Variants in UEVLD observed in about 807,000 individuals in gnomAD.
UEVLD encodes the protein ubiquitin-conjugating enzyme E2 variant 3.
In UEVLD, 47 loss-of-function variants were observed where a neutral mutation model predicts 58.6. That is an observed-to-expected ratio of 0.80 (90% confidence interval 0.63 to 1.02). The LOEUF is 1.02. Ranked by LOEUF, UEVLD falls within the 50% of genes least tolerant of loss-of-function variation. UEVLD has a pLI of 0.00. For missense variants in UEVLD, 510 were observed against 550.6 expected (o/e 0.93, Z 0.74); for synonymous variants, 197 against 195.3 (o/e 1.01, Z -0.07).
chr11:18,555,553 C>T (rs1851722224), intron 7 of UEVLD, among the ~76,000 whole-genome samples: 1 of 151,840 alleles, frequency 6.6e-6, no homozygotes, highest in African/African-American at 2.4e-5. Context: ...CTGCCACTGC[C>T]CTCCATCCTG....
intron 1 of UEVLD, among the ~76,000 whole-genome samples, chr11:18,583,369 C>T (rs1457042862): frequency 6.6e-6 from 1 of 151,804 alleles, no homozygotes; most frequent in Non-Finnish European, 1.5e-5. Context: ...TACAGGCACC[C>T]GCCACCATGT....
intron 1 of UEVLD, among the ~76,000 whole-genome samples, chr11:18,583,657 CTTTTTT>C (rs35384688): frequency 2.6e-5 from 3 of 117,286 alleles, no homozygotes; most frequent in Non-Finnish European, 5.1e-5. Context: ...TCCAGTATTA[CTTTTTT>C]TTTTTTTTTT....
intron 7 of UEVLD, among the ~76,000 whole-genome samples, chr11:18,551,797 C>T (rs142165305): frequency 0.01 from 1,540 of 152,274 alleles, 58 homozygotes; most frequent in Admixed American, 0.059. Flanking sequence ...GGTCTACAAC[C>T]TAAACCAAAG....
At chr11:18,533,520 T>G (rs1850662557) in intron 11 of UEVLD, among the ~76,000 whole-genome samples, 2 of 148,082 alleles carry the variant, frequency 1.4e-5, no homozygotes, top group African/African-American at 5.0e-5. Flanking sequence ...TATTTGGGGG[T>G]TACATGAGTA....
At chr11:18,552,659 C>T (rs1462200299) in intron 7 of UEVLD, among the ~76,000 whole-genome samples, 3 of 150,320 alleles carry the variant, frequency 2.0e-5, no homozygotes, top group African/African-American at 2.5e-5. Flanking sequence ...GTTGGGAGTT[C>T]AAGACCAGCC....
At chr11:18,542,645 C>G (rs561876859) in intron 9 of UEVLD, among the ~76,000 whole-genome samples, 1 of 152,072 alleles carries the variant, frequency 6.6e-6, no homozygotes, top group Admixed American at 6.5e-5. Context: ...TTTTACTACA[C>G]AGAAAACTAT....
Position 18,530,227 on chromosome 11 carries a change from A to G in UEVLD, c.*2093T>C, listed in dbSNP as rs949276357. ...TTCCTATTTCATAAAAAAGGACAGT[A>G]AGAATACATTGTTAGAGTAACATGA... On this transcript the variant is annotated 3_prime_UTR_variant, in exon 12 of 12. Transcript: ENST00000396197. 1.3e-5 allele frequency: 2 copies of G among 152,248 alleles called. No individual in the cohort carries two copies. The highest frequency in any genetic ancestry group is 2.9e-5 in the Non-Finnish European group (2 of 68,042). The allele number at this position is 152,248 out of a possible 1,614,324, so 9.4% of individuals were successfully genotyped here.
At chr11:18,532,720 G>C (rs1434058610) in intron 11 of UEVLD, among the ~76,000 whole-genome samples, 1 of 152,062 alleles carries the variant, frequency 6.6e-6, no homozygotes, top group East Asian at 1.9e-4. Flanking sequence ...GAAGCAACTT[G>C]GTCAGACACC....
intron 7 of UEVLD, among the ~76,000 whole-genome samples, chr11:18,552,492 A>G (rs1174791437): frequency 2.0e-5 from 3 of 152,134 alleles, no homozygotes; most frequent in Admixed American, 2.0e-4. Context: ...GGTGGCAGTG[A>G]GCCGAGATGG....
At position 18,582,360 on chromosome 11, in the gene UEVLD, C is replaced by T. The variant is rs147826123; in HGVS notation, c.43-3552G>A. On this transcript the variant is annotated intron_variant, in intron 1 of 11. Coordinates refer to ENST00000396197, the MANE Select transcript of UEVLD (RefSeq NM_001040697.4). ...CCACCACCCACCCCCACTCCCGGCC[C>T]GAGCCAAAAAGTACCTGTTTTATCT... Among the ~76,000 whole-genome samples, 177 of 147,044 alleles carry T rather than the reference C, an allele frequency of 1.2e-3. 1 individual carries two copies. Among genetic ancestry groups the T allele is most frequent in the African/African-American group, 4.2e-3 (165 of 39,552 alleles).
At chr11:18,546,810 G>A in intron 8 of UEVLD, 70 bp downstream of exon 8, 2 of 1,564,762 alleles carry the variant, frequency 1.3e-6, no homozygotes, top group Non-Finnish European at 1.7e-6. Flanking sequence ...AAGTTTTATG[G>A]TTTTTATCAG....
chr11:18,535,623 T>A (rs554534685), intron 10 of UEVLD, among the ~76,000 whole-genome samples: 1 of 152,254 alleles, frequency 6.6e-6, no homozygotes, highest in Admixed American at 6.5e-5. Context: ...ACAAATGCCA[T>A]GAGTATAAAT....
intron 6 of UEVLD, among the ~76,000 whole-genome samples, chr11:18,560,242 T>C (rs1463808131): frequency 6.6e-6 from 1 of 152,166 alleles, no homozygotes; most frequent in Non-Finnish European, 1.5e-5. Context: ...GGATTAATTA[T>C]GTGACACAGG....
intron 9 of UEVLD, among the ~76,000 whole-genome samples, chr11:18,539,895 A>G (rs1005562643): frequency 3.7e-4 from 57 of 152,362 alleles, no homozygotes; most frequent in African/African-American, 1.4e-3. Flanking sequence ...TGTAGCTGTC[A>G]CTTGTCTCTG....
chr11:18,577,418 A>G (rs138941868), intron 2 of UEVLD, among the ~76,000 whole-genome samples: 86 of 152,330 alleles, frequency 5.6e-4, no homozygotes, highest in African/African-American at 1.7e-3. Context: ...CATATCTCTG[A>G]AAGTTCAACT....
chr11:18,535,927 G>C (rs191279900), intron 10 of UEVLD, among the ~76,000 whole-genome samples: 45 of 152,302 alleles, frequency 3.0e-4, no homozygotes, highest in Non-Finnish European at 4.9e-4. Context: ...ATGTGGTCAG[G>C]AGATCAAGAC....
intron 3 of UEVLD, chr11:18,570,819 A>T (rs1180100459): frequency 6.6e-6 from 1 of 151,976 alleles, no homozygotes; most frequent in Non-Finnish European, 1.5e-5. Context: ...AATGTTAATC[A>T]AGGCCTATTC....
At chr11:18,587,427 C>T (rs1297057159) in intron 1 of UEVLD, among the ~76,000 whole-genome samples, 1 of 152,210 alleles carries the variant, frequency 6.6e-6, no homozygotes, top group East Asian at 1.9e-4. Context: ...GGTATGTAAA[C>T]TGCCCCAACA....
chr11:18,588,035 G>A (rs898769785), intron 1 of UEVLD, among the ~76,000 whole-genome samples: 11 of 151,986 alleles, frequency 7.2e-5, no homozygotes, highest in Non-Finnish European at 1.6e-4. Flanking sequence ...AATCTACTCA[G>A]GTCTTTCATT....
Sources: gnomAD v4.1 joint callset for allele counts (sites outside exome capture counted in the v4.1 genomes callset) on GRCh38, gnomAD v4.1.1 for gene constraint, MANE v1.5 for transcripts, NCBI Gene and HGNC (gene_info 2026-07-23, HGNC 2026-07-21) for gene names.